ZNF503: variants seen among roughly 807,000 people sequenced by gnomAD.
ZNF503 encodes the protein NocA-like zinc finger 2.
ZNF503 carries 15 observed loss-of-function variants against 34.4 expected under a neutral mutation model. That is an observed-to-expected ratio of 0.44 (90% CI 0.29 to 0.67). ZNF503 has a LOEUF of 0.67. Among genes scored for constraint, ZNF503 ranks in the 30% least tolerant of loss-of-function variants. ZNF503 has a pLI of 0.13. For synonymous variants in ZNF503, 580 were observed against 456.8 expected (o/e 1.27, Z -3.44); for missense variants, 1,007 against 926.8 (o/e 1.09, Z -1.12).
chr10:75,363,081 T>TACAC, the ZNF503 span, among the ~76,000 whole-genome samples: 6,342 of 148,712 alleles, frequency 0.043, 387 homozygotes, highest in African/African-American at 0.14. Context: ...CATGCATGCA[T>TACAC]ACACACACAC....
At chr10:75,336,131 C>T in the ZNF503 span, among the ~76,000 whole-genome samples, 2 of 152,166 alleles carry the variant, frequency 1.3e-5, no homozygotes, top group South Asian at 4.2e-4. Flanking sequence ...ACCTTATTGG[C>T]CTAGAATATC....
the ZNF503 span, among the ~76,000 whole-genome samples, chr10:75,280,856 A>G: frequency 4.6e-5 from 7 of 152,144 alleles, no homozygotes; most frequent in African/African-American, 1.2e-4. Flanking sequence ...CAGGCCTGAG[A>G]GCTGAGTAGA....
chr10:75,397,169 C>T (rs1371269419), downstream of ZNF503, among the ~76,000 whole-genome samples: 1 of 140,920 alleles, frequency 7.1e-6, no homozygotes, highest in Non-Finnish European at 1.5e-5. Flanking sequence ...GCGGTGGCGC[C>T]GGCCAGCCCC....
In ZNF503 at chr10:75,400,382, G is replaced by T. The variant is rs1475382580; in HGVS notation, c.316-8C>A. The T allele has an allele frequency of 1.3e-6, 2 of 1,595,856 alleles. No individual in the cohort carries two copies. Among genetic ancestry groups the T allele is most frequent in the African/African-American group, 1.4e-5 (1 of 69,402 alleles). On this transcript the variant is annotated splice_region_variant and splice_polypyrimidine_tract_variant and intron_variant, in intron 1 of 1. Transcript: ENST00000372524. ...GCTCTTCTTGGCATCGAGCTGCGGG[G>T]TCAGACGATGGGGGGGGAGCGTCAC...
the ZNF503 span, among the ~76,000 whole-genome samples, chr10:75,325,420 C>G: frequency 6.6e-6 from 1 of 151,858 alleles, no homozygotes; most frequent in Non-Finnish European, 1.5e-5. Context: ...CTTGAACTCT[C>G]AAGCTCAAGT....
At chr10:75,308,353 G>A in the ZNF503 span, among the ~76,000 whole-genome samples, 3 of 152,274 alleles carry the variant, frequency 2.0e-5, no homozygotes, top group East Asian at 3.9e-4. Context: ...CATTGACAAT[G>A]CACCTAGTTA....
chr10:75,281,428 C>T, the ZNF503 span, among the ~76,000 whole-genome samples: 1 of 152,060 alleles, frequency 6.6e-6, no homozygotes, highest in African/African-American at 2.4e-5. Context: ...TCGAGTGTGC[C>T]GCCTGGTTCC....
At chr10:75,346,271 C>G in the ZNF503 span, among the ~76,000 whole-genome samples, 1 of 152,144 alleles carries the variant, frequency 6.6e-6, no homozygotes, top group African/African-American at 2.4e-5. Flanking sequence ...ATGTGCAGAC[C>G]TGTGCAGTCT....
the ZNF503 span, among the ~76,000 whole-genome samples, chr10:75,315,717 A>T: frequency 1.3e-5 from 2 of 152,226 alleles, no homozygotes; most frequent in African/African-American, 4.8e-5. Context: ...AATTAATAAC[A>T]TAGCCATAGT....
chr10:75,396,841 T>C (rs967450189), downstream of ZNF503, among the ~76,000 whole-genome samples: 1 of 151,432 alleles, frequency 6.6e-6, no homozygotes, highest in Non-Finnish European at 1.5e-5. This position sits in a 1 kb window ranked among gnomAD's most constrained non-coding sequence, Gnocchi z 4.4. Context: ...TCGGCCCCCC[T>C]CCCCCCAAAA....
At chr10:75,355,437 T>C in the ZNF503 span, among the ~76,000 whole-genome samples, 3 of 152,178 alleles carry the variant, frequency 2.0e-5, no homozygotes, top group Non-Finnish European at 4.4e-5. Context: ...AGAGAGACAC[T>C]AGGATCCCTG....
chr10:75,308,050 C>A, the ZNF503 span, among the ~76,000 whole-genome samples: 1 of 152,116 alleles, frequency 6.6e-6, no homozygotes, highest in African/African-American at 2.4e-5. Context: ...CACTTCACTC[C>A]AGTGTGGGCA....
Position 75,398,595 on chromosome 10 carries a change from T to C in ZNF503, c.*154A>G. ...TCCCACCGGGTCTCGGTCGCTGCTG[T>C]CGGGTAGATAGATACGGTATACATT... On this transcript the variant is annotated 3_prime_UTR_variant, in exon 2 of 2. Transcript: ENST00000372524. 1.6e-6 allele frequency: 1 copy of C among 613,712 alleles called. No homozygotes were observed. Among genetic ancestry groups the C allele is most frequent in the Non-Finnish European group, 2.4e-6 (1 of 422,906 alleles). 38.0% of individuals were successfully genotyped at this position (613,712 alleles called of 1,614,324 possible).
At chr10:75,386,898 T>C in the ZNF503 span, among the ~76,000 whole-genome samples, 72 of 152,176 alleles carry the variant, frequency 4.7e-4, 1 homozygote, top group Admixed American at 2.0e-4. Context: ...CTCCACTGAT[T>C]ATATCCCTCA....
chr10:75,365,820 G>A, the ZNF503 span, among the ~76,000 whole-genome samples: 1 of 152,206 alleles, frequency 6.6e-6, no homozygotes, highest in Non-Finnish European at 1.5e-5. Flanking sequence ...TGTCTGCTTA[G>A]GTTGTTGTTA....
At chr10:75,349,834 G>A in the ZNF503 span, among the ~76,000 whole-genome samples, 1 of 152,114 alleles carries the variant, frequency 6.6e-6, no homozygotes, top group Admixed American at 6.6e-5. Flanking sequence ...AAAAATGAAT[G>A]TTTGTTCTGT....
At chr10:75,334,153 T>A in the ZNF503 span, among the ~76,000 whole-genome samples, 5 of 150,426 alleles carry the variant, frequency 3.3e-5, no homozygotes, top group Middle Eastern at 3.4e-3. Context: ...GGGCAGAGGC[T>A]GCAATCTCGG....
the ZNF503 span, among the ~76,000 whole-genome samples, chr10:75,368,920 A>G: frequency 2.0e-5 from 3 of 152,254 alleles, no homozygotes; most frequent in Non-Finnish European, 4.4e-5. Flanking sequence ...CGGATAGTTT[A>G]AGGTTATAGT....
downstream of ZNF503, among the ~76,000 whole-genome samples, chr10:75,397,663 T>G (rs1284218015): frequency 2.0e-5 from 3 of 152,344 alleles, no homozygotes; most frequent in East Asian, 5.8e-4. Flanking sequence ...CAAGGCCAAC[T>G]TCGCGGCTGG....
Sources: allele counts gnomAD v4.1 joint callset (sites outside exome capture counted in the v4.1 genomes callset), GRCh38; gene constraint gnomAD v4.1.1; non-coding constraint Gnocchi (gnomAD v3.1); transcripts MANE v1.5; gene names NCBI Gene and HGNC (gene_info 2026-07-23, HGNC 2026-07-21).